Variants in CPS1 observed in about 807,000 individuals in gnomAD.
The protein encoded by CPS1 is carbamoyl-phosphate synthase 1.
CPS1 carries 109 observed loss-of-function variants against 174.6 expected under a neutral mutation model. The observed-to-expected ratio is 0.62, with a 90% CI of 0.53 to 0.73. The LOEUF is 0.73. CPS1 is among the 30% of genes least tolerant of loss of function. The pLI, the probability that CPS1 is intolerant of heterozygous loss-of-function variation, is 0.00. For missense variants in CPS1, 1,689 were observed against 1,821.9 expected, an observed-to-expected ratio of 0.93 and a Z score of 1.33; for synonymous variants, 637 against 632.0, an observed-to-expected ratio of 1.01 and a Z score of -0.12.
At chr2:210,591,516 C>G (rs1698296730) in intron 9 of CPS1, among the ~76,000 whole-genome samples, 1 of 151,984 alleles carries the variant, frequency 6.6e-6, no homozygotes, top group South Asian at 2.1e-4. Context: ...AAGTAAGTCA[C>G]TTATATTTCT....
At chr2:210,575,167 A>C (rs1426735247) in intron 2 of CPS1, among the ~76,000 whole-genome samples, 3 of 152,072 alleles carry the variant, frequency 2.0e-5, no homozygotes, top group African/African-American at 7.2e-5. Context: ...GAGCTGAAAG[A>C]CTATGTATTT....
chr2:210,559,710 G>A (rs560798705), intron 1 of CPS1, among the ~76,000 whole-genome samples: 1 of 152,082 alleles, frequency 6.6e-6, no homozygotes, highest in South Asian at 2.1e-4. Context: ...GGCACAAAAA[G>A]ATCTGGAATC....
rs187479775 is a variant in CPS1 at position 210,612,202 on chromosome 2, G to A, written c.2477G>A (p.Arg826His). ...CCATCTATAGAAGGTTTCACTCCCC[G>A]TCTCCCAATGAACAAAGAATGGCCA... is the stretch of plus-strand genomic sequence containing the variant. Reference protein sequence around the residue: ...CHPSIEGFTPRLPMNKEWPSN... With the variant: ...CHPSIEGFTPHLPMNKEWPSN... Residue 826 changes from arginine to histidine, a missense_variant, in exon 20 of 38, where the codon CGT (arginine) becomes CAT (histidine). Physicochemically the swap from Arg to His is conservative, Grantham distance 29. Coordinates refer to ENST00000233072, the MANE Select transcript of CPS1 (RefSeq NM_001875.5). 76 of 1,612,086 alleles carry A rather than the reference G, an allele frequency of 4.7e-5. 1 individual carries two copies. The highest frequency in any genetic ancestry group is 1.8e-4 in the Admixed American group (11 of 59,802).
chr2:210,638,685 C>A (rs1388834341), intron 22 of CPS1, among the ~76,000 whole-genome samples: 1 of 152,112 alleles, frequency 6.6e-6, no homozygotes, highest in Admixed American at 6.5e-5. Context: ...ATCTTGTTCT[C>A]CCCCCGTTCA....
chr2:210,622,214 T>A (rs989819451), intron 21 of CPS1, among the ~76,000 whole-genome samples: 10 of 151,646 alleles, frequency 6.6e-5, no homozygotes, highest in Admixed American at 6.6e-4. Flanking sequence ...TACTTACATG[T>A]AAGTATATAC....
chr2:210,658,585 G>C lies in CPS1; in HGVS notation c.3667-14G>C. On this transcript the variant is annotated splice_polypyrimidine_tract_variant and intron_variant, in intron 30 of 37. Coordinates refer to ENST00000233072, the MANE Select transcript of CPS1 (RefSeq NM_001875.5). ...GCTCTTTAGCACACTATACGATTAT[G>C]CTTTTTAATTCAGGTGAAGGATGCT... 6.2e-7 allele frequency: 1 copy of C among 1,611,244 alleles called. No individual in the cohort carries two copies. The highest frequency in any genetic ancestry group is 8.5e-7 in the Non-Finnish European group (1 of 1,177,448).
chr2:210,663,510 C>T (rs892381212), intron 33 of CPS1, among the ~76,000 whole-genome samples: 4 of 152,078 alleles, frequency 2.6e-5, no homozygotes, highest in Non-Finnish European at 4.4e-5. Context: ...TAAAGGTTCT[C>T]GGGTCTCTCT....
intron 12 of CPS1, 122 bp downstream of exon 12, chr2:210,594,728 T>A: frequency 1.4e-6 from 1 of 714,696 alleles, no homozygotes; most frequent in Non-Finnish European, 2.5e-6. Context: ...GGTAATATTG[T>A]AATAGACTGT....
chr2:210,631,024 T>G (rs1481918058), intron 21 of CPS1, among the ~76,000 whole-genome samples: 4 of 151,416 alleles, frequency 2.6e-5, no homozygotes. Flanking sequence ...TGGAGTGTTT[T>G]TTTTTTTTTT....
intron 1 of CPS1, among the ~76,000 whole-genome samples, chr2:210,536,617 C>T (rs2544308): frequency 0.38 from 58,099 of 152,008 alleles, 11,436 homozygotes; most frequent in Middle Eastern, 0.51. Context: ...TGAGCCACTG[C>T]GCCTGGCCGT....
At chr2:210,511,173 C>T (rs1695478706) in intron 1 of CPS1, among the ~76,000 whole-genome samples, 1 of 151,106 alleles carries the variant, frequency 6.6e-6, no homozygotes, top group Non-Finnish European at 1.5e-5. Flanking sequence ...AAATGTGGCA[C>T]ATATACACCA....
intron 1 of CPS1, among the ~76,000 whole-genome samples, chr2:210,480,587 G>A (rs1694539976): frequency 6.6e-6 from 1 of 152,086 alleles, no homozygotes; most frequent in African/African-American, 2.4e-5. Flanking sequence ...GGTCTTTGGG[G>A]TAAAAGAGAG....
intron 36 of CPS1, 22 bp downstream of exon 36, chr2:210,675,862 T>C: frequency 9.3e-7 from 1 of 1,076,094 alleles, no homozygotes; most frequent in Non-Finnish European, 1.5e-6. Flanking sequence ...GCATACTGTT[T>C]TCTGAAATAA....
intron 1 of CPS1, among the ~76,000 whole-genome samples, chr2:210,561,897 A>G (rs189908467): frequency 6.6e-5 from 10 of 152,280 alleles, no homozygotes; most frequent in Admixed American, 6.5e-4. Flanking sequence ...GTAACTGACT[A>G]ATTTGAAGTT....
At position 210,579,763 on chromosome 2, in the gene CPS1, G is replaced by C. The variant is rs1414655377; in HGVS notation, c.521G>C (p.Arg174Pro). 6.2e-7 allele frequency: 1 copy of C among 1,612,018 alleles called. No individual in the cohort carries two copies. ...VDTRMLTKII[R>P]DKGTMLGKIE... ...ACAAGAATGCTGACTAAAATAATTC[G>C]GGATAAGGTATAATCATCATCTTTA... The change falls in exon 5 of 38, where the codon CGG becomes CCG. Residue 174 changes from arginine (R) to proline (P), a missense_variant. By Grantham distance (103) the Arg-to-Pro change is moderately radical (BLOSUM62 -2). Coordinates refer to ENST00000233072, the MANE Select transcript of CPS1 (RefSeq NM_001875.5).
chr2:210,646,624 C>A (rs1358991775), intron 25 of CPS1, among the ~76,000 whole-genome samples: 4 of 152,050 alleles, frequency 2.6e-5, no homozygotes, highest in Non-Finnish European at 5.9e-5. Context: ...AGCTCAATGG[C>A]CTATCAGATA....
chr2:210,490,672 A>G (rs1694852957), intron 1 of CPS1, among the ~76,000 whole-genome samples: 1 of 152,250 alleles, frequency 6.6e-6, no homozygotes, highest in East Asian at 1.9e-4. Context: ...GGCTGTCTTA[A>G]TTCAATGGTG....
chr2:210,543,891 T>A (rs1696495600), intron 1 of CPS1, among the ~76,000 whole-genome samples: 1 of 152,056 alleles, frequency 6.6e-6, no homozygotes, highest in African/African-American at 2.4e-5. Flanking sequence ...AAAGAATCAC[T>A]TCCCCCCCTC....
In CPS1 at chr2:210,608,561, T is replaced by A; in HGVS notation, c.2391+2T>A. Reference sequence around the variant, plus strand: ...AGCTCTATGAAAAGTGTAGGAGAGGTGAGTCCTTGGTTTATTACGCTTTTC... The same window carrying A: ...AGCTCTATGAAAAGTGTAGGAGAGGAGAGTCCTTGGTTTATTACGCTTTTC... On this transcript the variant is annotated splice_donor_variant, in intron 19 of 37. Transcript: ENST00000233072. LOFTEE classifies it high-confidence loss of function. The A allele has an allele frequency of 1.2e-6, 2 of 1,610,692 alleles. No homozygotes were observed. Among genetic ancestry groups the A allele is most frequent in the Non-Finnish European group, 1.7e-6 (2 of 1,177,818 alleles).
Sources: allele counts gnomAD v4.1 joint callset (sites outside exome capture counted in the v4.1 genomes callset), GRCh38; gene constraint gnomAD v4.1.1; transcripts MANE v1.5; gene names NCBI Gene and HGNC (gene_info 2026-07-23, HGNC 2026-07-21).